The following CTXND1 variants were observed in gnomAD, a reference collection of about 807,000 sequenced individuals.
The protein encoded by CTXND1 is cortexin domain-containing 1 protein.
intron 1 of CTXND1, among the ~76,000 whole-genome samples, chr15:80,238,855 T>C (rs1893533971): frequency 6.6e-6 from 1 of 152,162 alleles, no homozygotes; most frequent in South Asian, 2.1e-4. Context: ...CCCAGGCCTG[T>C]AGCCTAGGAG....
At chr15:80,226,540 G>A (rs1893373895) in intron 1 of CTXND1, among the ~76,000 whole-genome samples, 1 of 152,118 alleles carries the variant, frequency 6.6e-6, no homozygotes, top group African/African-American at 2.4e-5. Flanking sequence ...CACTCATGAA[G>A]CCCTGTGGCA....
At chr15:80,230,958 C>T (rs1026967226) in intron 1 of CTXND1, among the ~76,000 whole-genome samples, 1 of 151,668 alleles carries the variant, frequency 6.6e-6, no homozygotes, top group Non-Finnish European at 1.5e-5. Flanking sequence ...CTCAGGAGGC[C>T]GAGGAAGGAG....
chr15:80,239,368 C>T (rs534215946), intron 1 of CTXND1, among the ~76,000 whole-genome samples: 1 of 152,218 alleles, frequency 6.6e-6, no homozygotes, highest in Non-Finnish European at 1.5e-5. Flanking sequence ...AGTATTGATC[C>T]TAGGTGTGTC....
At chr15:80,246,477 T>C (rs372728509) in intron 1 of CTXND1, among the ~76,000 whole-genome samples, 57 of 152,332 alleles carry the variant, frequency 3.7e-4, no homozygotes, top group Middle Eastern at 3.4e-3. Context: ...CTTTGGCTAC[T>C]GGCAGTGCTG....
chr15:80,204,146 CAA>C (rs1173053524), intron 1 of CTXND1, among the ~76,000 whole-genome samples: 6 of 2,146 alleles, frequency 2.8e-3, no homozygotes, highest in African/African-American at 5.8e-3. Flanking sequence ...GACTGTGTCT[CAA>C]AAAAAAAAAA....
chr15:80,224,721 C>T (rs539942704), intron 1 of CTXND1, among the ~76,000 whole-genome samples: 31 of 152,208 alleles, frequency 2.0e-4, no homozygotes, highest in African/African-American at 6.7e-4. Flanking sequence ...TTAGATTTTT[C>T]GTATTTTATT....
intron 1 of CTXND1, among the ~76,000 whole-genome samples, chr15:80,250,168 C>G (rs1893677517): frequency 6.6e-6 from 1 of 152,024 alleles, no homozygotes; most frequent in Admixed American, 6.6e-5. Flanking sequence ...AATAGTGTGG[C>G]CAGGTAGTGT....
intron 2 of CTXND1, among the ~76,000 whole-genome samples, 169 bp from the exon 3 acceptor site, chr15:80,202,183 T>G (rs1430554004): frequency 7.7e-6 from 1 of 130,322 alleles, no homozygotes; most frequent in East Asian, 2.5e-4. Flanking sequence ...TGGACCCACA[T>G]GGTCACAGCC....
At chr15:80,245,727 C>G (rs1380493003) in intron 1 of CTXND1, among the ~76,000 whole-genome samples, 5 of 152,158 alleles carry the variant, frequency 3.3e-5, no homozygotes. Flanking sequence ...TCACCCTTCC[C>G]ACCCCTTTCT....
intron 1 of CTXND1, among the ~76,000 whole-genome samples, chr15:80,225,212 T>A (rs1395821439): frequency 2.0e-5 from 3 of 152,218 alleles, no homozygotes; most frequent in Non-Finnish European, 2.9e-5. Flanking sequence ...ATGAAAAAAA[T>A]TTTATTTTTC....
At chr15:80,215,140 T>C (rs1893238489) in intron 1 of CTXND1, among the ~76,000 whole-genome samples, 1 of 152,202 alleles carries the variant, frequency 6.6e-6, no homozygotes, top group Non-Finnish European at 1.5e-5. Flanking sequence ...TTGGCCCAAG[T>C]TGGGCTCCAG....
intron 1 of CTXND1, among the ~76,000 whole-genome samples, chr15:80,207,379 G>C (rs1321339913): frequency 6.6e-6 from 1 of 151,630 alleles, no homozygotes; most frequent in Non-Finnish European, 1.5e-5. Flanking sequence ...TGTCCCATCA[G>C]CTATTAAATC....
intron 1 of CTXND1, among the ~76,000 whole-genome samples, chr15:80,218,049 A>C (rs1893272266): frequency 6.6e-6 from 1 of 152,184 alleles, no homozygotes. Flanking sequence ...AATTGTCCAT[A>C]TTATGTATTC....
At chr15:80,206,909 T>G (rs1893152658) in intron 1 of CTXND1, among the ~76,000 whole-genome samples, 1 of 152,194 alleles carries the variant, frequency 6.6e-6, no homozygotes. Context: ...TTGGCTGAAG[T>G]TTTTCTATCA....
chr15:80,235,192 A>G (rs1030087548), intron 1 of CTXND1, among the ~76,000 whole-genome samples: 9 of 152,256 alleles, frequency 5.9e-5, no homozygotes, highest in South Asian at 2.1e-4. Flanking sequence ...CAGATGGAAA[A>G]CTGGCCTCCT....
At chr15:80,214,969 AAAT>A (rs892191285) in intron 1 of CTXND1, among the ~76,000 whole-genome samples, 1 of 152,260 alleles carries the variant, frequency 6.6e-6, no homozygotes, top group Non-Finnish European at 1.5e-5. Context: ...AGGAGATCAA[AAAT>A]ATAATGAGGC....
At chr15:80,225,745 A>AGTCTTACT (rs563133474) in intron 1 of CTXND1, among the ~76,000 whole-genome samples, 15 of 152,186 alleles carry the variant, frequency 9.9e-5, no homozygotes, top group Non-Finnish European at 2.1e-4. Context: ...CCATAAAATC[A>AGTCTTACT]GTCTTACTGA....
intron 1 of CTXND1, among the ~76,000 whole-genome samples, chr15:80,210,007 A>C (rs1323950041): frequency 1.3e-5 from 2 of 152,252 alleles, no homozygotes; most frequent in Admixed American, 1.3e-4. Context: ...AAACAAACTC[A>C]ATTTTAAAAA....
chr15:80,237,063 C>T (rs900630742), intron 1 of CTXND1, among the ~76,000 whole-genome samples: 4 of 152,048 alleles, frequency 2.6e-5, no homozygotes, highest in Admixed American at 6.6e-5. Context: ...TGGCCAGGCG[C>T]GGTGGCTCAT....
Sources: gnomAD v4.1 joint callset for allele counts (sites outside exome capture counted in the v4.1 genomes callset) on GRCh38, gnomAD v4.1.1 for gene constraint, MANE v1.5 for transcripts, NCBI Gene and HGNC (gene_info 2026-07-23, HGNC 2026-07-21) for gene names.